Variants in MEP1A observed in about 807,000 individuals in gnomAD.
The protein encoded by MEP1A is meprin A subunit alpha.
In MEP1A, 68 loss-of-function variants were observed where a neutral mutation model predicts 84.5. The ratio of observed to expected loss-of-function variants is 0.80; its 90% confidence interval spans 0.66 to 0.98. The LOEUF (loss-of-function observed/expected upper bound fraction) is 0.98, where lower values mean the gene tolerates loss of function less well. MEP1A is among the 50% of genes least tolerant of loss of function. The pLI is 0.00. For missense variants in MEP1A, 887 were observed against 919.9 expected, an observed-to-expected ratio of 0.96 and a Z score of 0.46; for synonymous variants, 337 against 336.8, an observed-to-expected ratio of 1.00 and a Z score of -0.01.
At chr6:46,810,586 C>A (rs990154324) in intron 6 of MEP1A, among the ~76,000 whole-genome samples, 1 of 151,834 alleles carries the variant, frequency 6.6e-6, no homozygotes, top group African/African-American at 2.4e-5. Context: ...CTTCTAGAAT[C>A]TTTATGGGTT....
intron 3 of MEP1A, 27 bp from the exon 4 acceptor site, chr6:46,798,579 T>C (rs373845999): frequency 2.5e-6 from 4 of 1,600,858 alleles, no homozygotes; most frequent in African/African-American, 1.3e-5. Flanking sequence ...TCAAATATTC[T>C]TTTTTTAAAA....
intron 7 of MEP1A, among the ~76,000 whole-genome samples, chr6:46,822,235 A>G (rs1054748215): frequency 2.0e-5 from 3 of 152,188 alleles, no homozygotes; most frequent in Non-Finnish European, 2.9e-5. Context: ...TCGTGCTACA[A>G]TGGCAGAGTT....
Position 46,799,092 on chromosome 6 carries a change from C to G in MEP1A, c.187-14C>G, listed in dbSNP as rs775024835. 1.9e-6 allele frequency: 3 copies of G among 1,599,168 alleles called. No homozygotes were observed. The highest frequency in any genetic ancestry group is 2.6e-6 in the Non-Finnish European group (3 of 1,166,548). ...GACTAGGCTTCCCACTCACCTTTAC[C>G]TTTGTTTTCACAGAAATCCAGAAAT... On this transcript the variant is annotated splice_polypyrimidine_tract_variant and intron_variant, in intron 4 of 13. Coordinates refer to ENST00000230588, the MANE Select transcript of MEP1A (RefSeq NM_005588.3).
At chr6:46,814,270 G>A (rs142824894) in intron 6 of MEP1A, among the ~76,000 whole-genome samples, 1,647 of 152,090 alleles carry the variant, frequency 0.011, 35 homozygotes, top group African/African-American at 0.038. Context: ...GTTTTTGATG[G>A]ATGGGGTTAA....
chr6:46,800,825 C>A (rs1767183668), intron 5 of MEP1A, among the ~76,000 whole-genome samples: 2 of 152,268 alleles, frequency 1.3e-5, no homozygotes, highest in South Asian at 2.1e-4. Flanking sequence ...CCTTAAGAGA[C>A]AACCACCATT....
downstream of MEP1A, among the ~76,000 whole-genome samples, chr6:46,844,718 A>G (rs988166683): frequency 6.6e-6 from 1 of 152,196 alleles, no homozygotes; most frequent in Non-Finnish European, 1.5e-5. Flanking sequence ...TTTTCTCAGT[A>G]ATAGAATCCC....
chr6:46,823,289 T>C (rs1314991957), intron 7 of MEP1A, among the ~76,000 whole-genome samples: 3 of 152,166 alleles, frequency 2.0e-5, no homozygotes, highest in Non-Finnish European at 4.4e-5. Context: ...TATGAGGCAG[T>C]TACATTTTCT....
intron 3 of MEP1A, among the ~76,000 whole-genome samples, chr6:46,797,321 G>T (rs983342936): frequency 6.6e-6 from 1 of 152,216 alleles, no homozygotes; most frequent in Non-Finnish European, 1.5e-5. Context: ...AATGTTTCAT[G>T]TCACATGAGA....
rs751211209 is a variant in MEP1A at position 46,825,293 on chromosome 6, C to A, written c.578C>A (p.Thr193Asn). 3 of 1,612,474 alleles carry A rather than the reference C, an allele frequency of 1.9e-6. No homozygotes were observed. The highest frequency in any genetic ancestry group is 2.5e-6 in the Non-Finnish European group (3 of 1,179,262). ...ACAGGTTACCAGCACAACTTTGACA[C>A]CTATGATGATAGCTTAATCACAGAC... ...ILSGYQHNFD[T>N]YDDSLITDLN... The change falls in exon 8 of 14, where the codon ACC (threonine) becomes AAC (asparagine). Residue 193 changes from threonine (T) to asparagine (N), a missense_variant. By Grantham distance (65) the Thr-to-Asn change is moderately conservative (BLOSUM62 0). Coordinates refer to ENST00000230588, the MANE Select transcript of MEP1A (RefSeq NM_005588.3).
intron 6 of MEP1A, among the ~76,000 whole-genome samples, chr6:46,811,639 A>G (rs1429431605): frequency 1.3e-5 from 2 of 152,046 alleles, no homozygotes; most frequent in African/African-American, 4.8e-5. Flanking sequence ...ACCTTAAGGT[A>G]TGTCCTTTCT....
At chr6:46,806,254 A>G (rs957313610) in intron 5 of MEP1A, among the ~76,000 whole-genome samples, 1 of 151,998 alleles carries the variant, frequency 6.6e-6, no homozygotes, top group Non-Finnish European at 1.5e-5. Flanking sequence ...CTGTTCCTTC[A>G]CAGGTCTCAT....
At chr6:46,808,971 C>G (rs751847125) in intron 5 of MEP1A, among the ~76,000 whole-genome samples, 2 of 151,986 alleles carry the variant, frequency 1.3e-5, no homozygotes, top group Non-Finnish European at 2.9e-5. Flanking sequence ...GAACACTATT[C>G]TCACTGCCTC....
rs776059147 is a variant in MEP1A, at chr6:46,799,113, G to C, written c.194G>C (p.Arg65Thr). The change falls in exon 5 of 14, where the codon AGA (arginine) becomes ACA (threonine). Residue 65 changes from arginine to threonine, a missense_variant. Coordinates refer to ENST00000230588, the MANE Select transcript of MEP1A (RefSeq NM_005588.3). The stretch of plus-strand genomic sequence containing the variant: ...TTACCTTTGTTTTCACAGAAATCCA[G>C]AAATGGCCTGAGAGACCCAAACACC... ...FQGDILLQKS[R>T]NGLRDPNTRW... 7 of 1,612,302 alleles carry C rather than the reference G, an allele frequency of 4.3e-6. No individual in the cohort carries two copies. Among genetic ancestry groups the C allele is most frequent in the South Asian group, 1.1e-5 (1 of 91,054 alleles).
At chr6:46,833,978 ATTTT>A (rs35322377) in intron 11 of MEP1A, among the ~76,000 whole-genome samples, 1 of 141,662 alleles carries the variant, frequency 7.1e-6, no homozygotes. Context: ...TGGGCAAACT[ATTTT>A]TTTTTTTTTT....
In MEP1A at chr6:46,819,466, A is replaced by G. The variant is rs960853443; in HGVS notation, c.381-63A>G. 4 of 1,345,048 alleles carry G rather than the reference A, an allele frequency of 3.0e-6. No individual in the cohort carries two copies. In the Admixed American group the frequency reaches 9.4e-5, roughly 32 times the overall value. 83.3% of individuals were successfully genotyped at this position (1,345,048 alleles called of 1,614,324 possible). ...TTCCTCCTAATTTGTGTTTTGGAGT[A>G]CTGTGAATGACAGCCACTTAAAAAT... is the stretch of plus-strand genomic sequence containing the variant. On this transcript the variant is annotated intron_variant, in intron 6 of 13. Coordinates refer to ENST00000230588, the MANE Select transcript of MEP1A (RefSeq NM_005588.3).
rs60287159 is a variant in MEP1A, at chr6:46,807,512, TAAAGAAAG to T, written c.263-1859_263-1852del. Among the ~76,000 whole-genome samples, 360 of 49,592 alleles carry T rather than the reference TAAAGAAAG, an allele frequency of 7.3e-3. 8 individuals carry two copies. Among genetic ancestry groups the T allele is most frequent in the African/African-American group, 0.019 (269 of 13,844 alleles). 32.5% of individuals were successfully genotyped at this position (49,592 alleles called of 152,430 possible). On this transcript the variant is annotated intron_variant, in intron 5 of 13. Transcript: ENST00000230588. The stretch of plus-strand genomic sequence containing the variant: ...AACAAAGTGAGACCCCCATCTGAAA[TAAAGAAAG>T]AAAGAAAGAAAGAAAGAAAGAAAGA...
chr6:46,824,307 G>A (rs1180889653), intron 7 of MEP1A, among the ~76,000 whole-genome samples: 1 of 151,186 alleles, frequency 6.6e-6, no homozygotes, highest in Admixed American at 6.6e-5. Flanking sequence ...TATTTATAAT[G>A]TATCTTTGGT....
chr6:46,842,165 C>A (rs1768342464), downstream of MEP1A, among the ~76,000 whole-genome samples: 1 of 152,010 alleles, frequency 6.6e-6, no homozygotes, highest in African/African-American at 2.4e-5. Context: ...ACCTCAGGAC[C>A]ATTATTGTAC....
At chr6:46,819,176 AAC>A (rs1767708575) in intron 6 of MEP1A, among the ~76,000 whole-genome samples, 1 of 152,172 alleles carries the variant, frequency 6.6e-6, no homozygotes, top group African/African-American at 2.4e-5. Context: ...AGATAAAGGC[AAC>A]AGTGTTATTC....
Sources: gnomAD v4.1 joint callset for allele counts (sites outside exome capture counted in the v4.1 genomes callset) on GRCh38, gnomAD v4.1.1 for gene constraint, MANE v1.5 for transcripts, NCBI Gene and HGNC (gene_info 2026-07-23, HGNC 2026-07-21) for gene names.